Variants in TBX18 observed in about 807,000 individuals in gnomAD.
TBX18 encodes the protein T-box transcription factor 18.
Under a neutral mutation model 55.0 loss-of-function variants are expected in TBX18, and 21 were observed. That is an observed-to-expected ratio of 0.38 (90% confidence interval 0.27 to 0.55). The LOEUF (loss-of-function observed/expected upper bound fraction) is 0.55, where lower values mean the gene tolerates loss of function less well. TBX18 is among the 20% of genes least tolerant of loss of function. The pLI is 0.73. For missense variants in TBX18, 840 were observed against 799.6 expected (o/e 1.05, Z -0.61); for synonymous variants, 342 against 326.1 (o/e 1.05, Z -0.53).
chr6:84,763,507 T>G (rs961491787), intron 1 of TBX18: 2 of 491,478 alleles, frequency 4.1e-6, no homozygotes, highest in African/African-American at 3.9e-5. Flanking sequence ...GGTTTCAGGG[T>G]GGGGTATGCC....
In TBX18 at chr6:84,764,259, C is replaced by T; in HGVS notation, c.-78G>A. 1 of 1,372,796 alleles carries T rather than the reference C, an allele frequency of 7.3e-7. No homozygotes were observed. The highest frequency in any genetic ancestry group is 9.3e-7 in the Non-Finnish European group (1 of 1,070,220). 85.0% of individuals were successfully genotyped at this position (1,372,796 alleles called of 1,614,324 possible). ...CACGCGCGCTCTCGCTCTTCCCCCA[C>T]CAAAAACTAAAAGGCTCTCGGGGCC... On this transcript the variant is annotated 5_prime_UTR_variant, in exon 1 of 8. In the 5' UTR this introduces an upstream ATG that the reference lacks. Transcript: ENST00000369663.
At chr6:84,743,239 T>C (rs372427376) in intron 6 of TBX18, among the ~76,000 whole-genome samples, 1 of 152,208 alleles carries the variant, frequency 6.6e-6, no homozygotes, top group Admixed American at 6.5e-5. Context: ...GGTGTTTCAA[T>C]GATGCCACTG....
In TBX18 at chr6:84,764,564, C is replaced by T. The variant is rs137978153; in HGVS notation, c.-383G>A. ...AGGGATTGTAATTGAAATTTGTTGC[C>T]TTGATCTGTCAGCACTTCCAGGCAG... On this transcript the variant is annotated 5_prime_UTR_variant, in exon 1 of 8. Transcript: ENST00000369663. 2.6e-3 allele frequency: 483 copies of T among 182,328 alleles called. 6 individuals are homozygous for T. The highest frequency in any genetic ancestry group is 0.011 in the African/African-American group (450 of 42,822). 11.3% of individuals were successfully genotyped at this position (182,328 alleles called of 1,614,324 possible). A position where few individuals can be genotyped will look rare whatever the true frequency, so the allele number is the denominator to read the frequency against.
chr6:84,745,483 T>C (rs1189258153), intron 5 of TBX18, among the ~76,000 whole-genome samples: 1 of 152,108 alleles, frequency 6.6e-6, no homozygotes, highest in Admixed American at 6.6e-5. Flanking sequence ...CCCCCTACAT[T>C]GCTTGTGCAC....
intron 2 of TBX18, among the ~76,000 whole-genome samples, chr6:84,761,584 A>G (rs1767648209): frequency 6.6e-6 from 1 of 152,240 alleles, no homozygotes; most frequent in Non-Finnish European, 1.5e-5. Context: ...GATACTTTTT[A>G]TGCTATCCAG....
Position 84,736,854 on chromosome 6 carries a change from C to T in TBX18, c.1655G>A (p.Gly552Glu). The T allele has an allele frequency of 6.2e-7, 1 of 1,613,520 alleles. No homozygotes were observed. Among genetic ancestry groups the T allele is most frequent in the Non-Finnish European group, 8.5e-7 (1 of 1,179,822 alleles). Reference sequence around the variant, plus strand: ...ACTCGGTGAGGACCCCAAGAAACTTCCTTGGGAAGAAACAATTTTCTCAGG... The same window carrying T: ...ACTCGGTGAGGACCCCAAGAAACTTTCTTGGGAAGAAACAATTTTCTCAGG... ...ASPEKIVSSQ[G>E]SFLGSSPSGT... Residue 552 changes from glycine to glutamate, a missense_variant, in exon 8 of 8, where the codon GGA (glycine) becomes GAA (glutamate). Physicochemically the swap from Gly to Glu is moderately conservative, Grantham distance 98. Transcript: ENST00000369663.
chr6:84,750,018 G>A (rs987056867), intron 4 of TBX18, among the ~76,000 whole-genome samples: 2 of 152,110 alleles, frequency 1.3e-5, no homozygotes, highest in African/African-American at 4.8e-5. Flanking sequence ...GAGCATGGTG[G>A]CTCACGCCTG....
intron 6 of TBX18, among the ~76,000 whole-genome samples, chr6:84,743,639 C>A (rs1767104706): frequency 6.6e-6 from 1 of 152,070 alleles, no homozygotes; most frequent in African/African-American, 2.4e-5. Flanking sequence ...AATTCAAAAA[C>A]CCTTTGCCAC....
chr6:84,737,759 G>C (rs1462904885), intron 7 of TBX18, among the ~76,000 whole-genome samples: 2 of 152,136 alleles, frequency 1.3e-5, no homozygotes, highest in African/African-American at 2.4e-5. Context: ...AGAACTTAAG[G>C]GGAGAGGAGA....
At chr6:84,763,151 C>T in intron 1 of TBX18, 1 of 367,534 alleles carries the variant, frequency 2.7e-6, no homozygotes, top group Non-Finnish European at 5.2e-6. Context: ...ACGCAACCTG[C>T]GCCTCGAAGC....
chr6:84,737,994 G>A (rs1260942172), intron 7 of TBX18, among the ~76,000 whole-genome samples: 9 of 152,146 alleles, frequency 5.9e-5, no homozygotes, highest in Non-Finnish European at 4.4e-5. Context: ...AAGCAACATC[G>A]CTTTCCATGC....
Position 84,764,279 on chromosome 6 carries a change from G to C in TBX18, c.-98C>G, listed in dbSNP as rs1767756905. On this transcript the variant is annotated 5_prime_UTR_variant, in exon 1 of 8. Coordinates refer to ENST00000369663, the MANE Select transcript of TBX18 (RefSeq NM_001080508.3). ...CCCCACCAAAAACTAAAAGGCTCTC[G>C]GGGCCTCCCGAGATCTGCCCCCTTC... The C allele has an allele frequency of 7.4e-7, 1 of 1,346,862 alleles. No individual in the cohort carries two copies. Among genetic ancestry groups the C allele is most frequent in the Non-Finnish European group, 9.5e-7 (1 of 1,052,692 alleles). 83.4% of individuals were successfully genotyped at this position (1,346,862 alleles called of 1,614,324 possible).
At chr6:84,759,828 T>C (rs910552430) in intron 3 of TBX18, among the ~76,000 whole-genome samples, 2 of 151,864 alleles carry the variant, frequency 1.3e-5, no homozygotes, top group Non-Finnish European at 2.9e-5. Context: ...ACATTGATGG[T>C]TTTGTATGTA....
chr6:84,734,144 A>C lies in TBX18; in HGVS notation c.*2541T>G, dbSNP rs1463649757. 2 of 152,224 alleles carry C rather than the reference A, an allele frequency of 1.3e-5. No homozygotes were observed. The highest frequency in any genetic ancestry group is 2.9e-5 in the Non-Finnish European group (2 of 68,056). The allele number at this position is 152,224 out of a possible 1,614,324, so 9.4% of individuals were successfully genotyped here. ...TCATCACTAGTCAGTGGTGCAAGCC[A>C]CTCATTCTTGTAACCTTGCCTTTCT... On this transcript the variant is annotated 3_prime_UTR_variant, in exon 8 of 8. Coordinates refer to ENST00000369663, the MANE Select transcript of TBX18 (RefSeq NM_001080508.3).
At chr6:84,738,319 G>A (rs1474738739) in intron 7 of TBX18, among the ~76,000 whole-genome samples, 178 bp downstream of exon 7, 2 of 152,146 alleles carry the variant, frequency 1.3e-5, no homozygotes, top group Non-Finnish European at 2.9e-5. Flanking sequence ...CTGTGACCAT[G>A]AGAGCCGTTT....
At chr6:84,749,108 G>A (rs563281446) in intron 4 of TBX18, among the ~76,000 whole-genome samples, 2 of 152,112 alleles carry the variant, frequency 1.3e-5, no homozygotes, top group South Asian at 4.1e-4. Flanking sequence ...CTTCTTCTTT[G>A]TATGTTCTAT....
intron 6 of TBX18, among the ~76,000 whole-genome samples, chr6:84,743,439 G>C (rs1485681181): frequency 3.3e-5 from 5 of 152,126 alleles, no homozygotes; most frequent in Non-Finnish European, 7.4e-5. Context: ...AATTTCATGA[G>C]TAAAGTCATA....
intron 1 of TBX18, among the ~76,000 whole-genome samples, chr6:84,763,639 A>G (rs1767722242): frequency 6.6e-6 from 1 of 152,282 alleles, no homozygotes; most frequent in East Asian, 1.9e-4. Context: ...TAGGCGCAGC[A>G]AACAGCCGCG....
intron 3 of TBX18, among the ~76,000 whole-genome samples, chr6:84,757,236 C>T (rs1381754098): frequency 6.6e-6 from 1 of 152,126 alleles, no homozygotes; most frequent in African/African-American, 2.4e-5. Context: ...TTGTCAAGTT[C>T]ACCTTTAAGT....
Sources: allele counts gnomAD v4.1 joint callset (sites outside exome capture counted in the v4.1 genomes callset), GRCh38; gene constraint gnomAD v4.1.1; transcripts MANE v1.5; gene names NCBI Gene and HGNC (gene_info 2026-07-23, HGNC 2026-07-21).